CACNA1B: variants seen among roughly 807,000 people sequenced by gnomAD.
CACNA1B encodes the protein calcium voltage-gated channel subunit alpha1 B, also known as voltage-dependent N-type calcium channel subunit alpha-1B.
CACNA1B carries 70 observed loss-of-function variants against 247.2 expected under a neutral mutation model. The ratio of observed to expected loss-of-function variants is 0.28; its 90% CI spans 0.23 to 0.35. CACNA1B has a LOEUF of 0.35. Ranked by LOEUF, CACNA1B falls within the 10% of genes least tolerant of loss-of-function variation. The pLI is 1.00. For missense variants in CACNA1B, 2,367 were observed against 3,197.4 expected (o/e 0.74, Z 6.26); for synonymous variants, 1,231 against 1,294.4 (o/e 0.95, Z 1.05).
At chr9:138,003,778 CTTTTTTT>C (rs11305081) in intron 15 of CACNA1B, among the ~76,000 whole-genome samples, 13 of 86,896 alleles carry the variant, frequency 1.5e-4, no homozygotes, top group Non-Finnish European at 2.8e-4. Flanking sequence ...ACGGGCTTGC[CTTTTTTT>C]TTTTTTTTTT....
intron 6 of CACNA1B, among the ~76,000 whole-genome samples, chr9:137,948,231 T>A (rs1454591538): frequency 2.0e-5 from 3 of 152,220 alleles, no homozygotes; most frequent in East Asian, 3.8e-4. Flanking sequence ...TCTGCCTGCC[T>A]CGGCCTCCCG....
intron 20 of CACNA1B, among the ~76,000 whole-genome samples, chr9:138,027,206 C>T (rs1262960873): frequency 6.6e-6 from 1 of 152,076 alleles, no homozygotes. Context: ...CATTTTCTCC[C>T]ATTTTGTGGC....
chr9:137,894,455 T>C (rs994665490), intron 3 of CACNA1B, among the ~76,000 whole-genome samples: 1 of 151,980 alleles, frequency 6.6e-6, no homozygotes, highest in African/African-American at 2.4e-5. Context: ...CGCTCTGTCA[T>C]CCAGGCTGGA....
chr9:137,909,136 A>C (rs893441982), intron 3 of CACNA1B, among the ~76,000 whole-genome samples: 7 of 151,490 alleles, frequency 4.6e-5, no homozygotes, highest in African/African-American at 1.7e-4. Flanking sequence ...GATTACACGC[A>C]TGCACCACCA....
chr9:138,102,834 C>A lies in CACNA1B; in HGVS notation c.5319+27C>A. 1 of 1,459,418 alleles carries A rather than the reference C, an allele frequency of 6.9e-7. No individual in the cohort carries two copies. Among genetic ancestry groups the A allele is most frequent in the East Asian group, 2.3e-5 (1 of 43,520 alleles). The allele number at this position is 1,459,418 out of a possible 1,614,324, so 90.4% of individuals were successfully genotyped here. A position where few individuals can be genotyped will look rare whatever the true frequency, so the allele number is the denominator to read the frequency against. On this transcript the variant is annotated intron_variant, in intron 38 of 46. Transcript: ENST00000371372. The surrounding 1 kb of genome is among the most constrained non-coding windows in gnomAD (Gnocchi z 5.4). Reference sequence around the variant, plus strand: ...TAGACCCTGACCCTGCAACCCGCCCCCCAGGAGGCTGTGTGTGCTTGCTGA... The same window carrying A: ...TAGACCCTGACCCTGCAACCCGCCCACCAGGAGGCTGTGTGTGCTTGCTGA...
At chr9:138,070,463 A>G (rs538525608) in intron 32 of CACNA1B, among the ~76,000 whole-genome samples, 2 of 152,352 alleles carry the variant, frequency 1.3e-5, no homozygotes, top group South Asian at 2.1e-4. Flanking sequence ...GCTCATTTGG[A>G]GTGCAGGTCC....
intron 3 of CACNA1B, among the ~76,000 whole-genome samples, chr9:137,911,874 TGA>T: frequency 6.6e-6 from 1 of 152,246 alleles, no homozygotes; most frequent in East Asian, 1.9e-4. Flanking sequence ...ACGTGGCATA[TGA>T]GAGAAGGACC....
chr9:138,032,890 G>A, intron 20 of CACNA1B: 2 of 290,716 alleles, frequency 6.9e-6, no homozygotes, highest in Non-Finnish European at 1.3e-5. Context: ...TTTGGGGTTT[G>A]CTCAATTTCT....
At position 138,051,083 on chromosome 9, in the gene CACNA1B, A is replaced by T. The variant is rs187373139; in HGVS notation, c.3711-1009A>T. Reference sequence around the variant, plus strand: ...AGGGTTCCATGTGTGAGTGAATCCCACTCAGTCCTGAGTCCTCAGCTCCCA... The same window carrying T: ...AGGGTTCCATGTGTGAGTGAATCCCTCTCAGTCCTGAGTCCTCAGCTCCCA... On this transcript the variant is annotated intron_variant, in intron 24 of 46. Coordinates refer to ENST00000371372, the MANE Select transcript of CACNA1B (RefSeq NM_000718.4). The surrounding 1 kb of genome is among the most constrained non-coding windows in gnomAD (Gnocchi z 4.3). 7.1e-4 allele frequency among the ~76,000 whole-genome samples: 108 copies of T among 152,068 alleles called. No individual in the cohort carries two copies. The highest frequency in any genetic ancestry group is 3.4e-3 in the Middle Eastern group (1 of 294).
At chr9:137,896,238 C>CA (rs34505431) in intron 3 of CACNA1B, among the ~76,000 whole-genome samples, 8,378 of 68,962 alleles carry the variant, frequency 0.12, 467 homozygotes, top group Non-Finnish European at 0.16. Context: ...GACTCTGTCT[C>CA]AAAAAAAAAA....
rs569191096 is a variant in CACNA1B, at chr9:137,914,923, G to A, written c.775+117G>A. 81 of 1,099,702 alleles carry A rather than the reference G, an allele frequency of 7.4e-5. No homozygotes were observed. The East Asian group carries it at 2.0e-3, about 27-fold the overall frequency. The allele number at this position is 1,099,702 out of a possible 1,614,324, so 68.1% of individuals were successfully genotyped here. ...CTTGGTGCCAGATACATGAGGTGGA[G>A]CTGACATTCTAGTGGGGGACATAGA... On this transcript the variant is annotated intron_variant, in intron 5 of 46. Coordinates refer to ENST00000371372, the MANE Select transcript of CACNA1B (RefSeq NM_000718.4). The surrounding 1 kb of genome is among the most constrained non-coding windows in gnomAD (Gnocchi z 4.3).
rs1384558027 is a variant in CACNA1B, at chr9:138,050,116, C to T, written c.3710+801C>T. On this transcript the variant is annotated intron_variant, in intron 24 of 46. Transcript: ENST00000371372. The surrounding 1 kb of genome is among the most constrained non-coding windows in gnomAD (Gnocchi z 5.2). ...TGCCTTCTCTCCCCCACACGCTGCC[C>T]CTGACATCACAGCATTCCAGCAGCC... 3 of 1,284,868 alleles carry T rather than the reference C, an allele frequency of 2.3e-6. No homozygotes were observed. The highest frequency in any genetic ancestry group is 4.6e-5 in the Admixed American group (2 of 43,566). 79.6% of individuals were successfully genotyped at this position (1,284,868 alleles called of 1,614,324 possible).
chr9:137,980,832 A>G (rs1418797347), intron 12 of CACNA1B, among the ~76,000 whole-genome samples: 2 of 152,140 alleles, frequency 1.3e-5, no homozygotes, highest in Admixed American at 6.5e-5. Flanking sequence ...TGCAAAATAC[A>G]TGTTATTTTT....
At position 138,105,786 on chromosome 9, in the gene CACNA1B, C is replaced by T. The variant is rs528769018; in HGVS notation, c.5407C>T (p.Leu1803=). Residue 1803 remains leucine (L), a synonymous_variant, in exon 39 of 47, where the codon CTG becomes TTG. Coordinates refer to ENST00000371372, the MANE Select transcript of CACNA1B (RefSeq NM_000718.4). ...STLMALIRTA[L]EIKLAPAGTK... is the part of the protein sequence containing the mutation. ...GCTGATGGCCCTCATCCGGACGGCA[C>T]TGGAGATCAAGCTGGCCCCAGGTGA... 9 of 1,557,738 alleles carry T rather than the reference C, an allele frequency of 5.8e-6. No individual in the cohort carries two copies. The highest frequency in any genetic ancestry group is 4.8e-5 in the East Asian group (2 of 41,484).
intron 10 of CACNA1B, among the ~76,000 whole-genome samples, chr9:137,961,051 G>A (rs1236058005): frequency 6.6e-6 from 1 of 151,736 alleles, no homozygotes. Context: ...TTTTTAATGG[G>A]GTTGTTTGTT....
At chr9:138,005,594 A>T (rs1248083481) in intron 15 of CACNA1B, among the ~76,000 whole-genome samples, 1 of 152,238 alleles carries the variant, frequency 6.6e-6, no homozygotes, top group Non-Finnish European at 1.5e-5. Context: ...ATTTCAAAAT[A>T]ATCAGAAGAA....
At chr9:137,996,388 A>T (rs1958501095) in intron 15 of CACNA1B, among the ~76,000 whole-genome samples, 1 of 152,232 alleles carries the variant, frequency 6.6e-6, no homozygotes, top group South Asian at 2.1e-4. Flanking sequence ...GGAGGCTACT[A>T]TTGTAAGTGA....
At chr9:137,878,242 G>T in intron 1 of CACNA1B, 25 bp downstream of exon 1, 2 of 1,229,998 alleles carry the variant, frequency 1.6e-6, no homozygotes, top group East Asian at 6.3e-5. Context: ...GGGGCCGGGC[G>T]GGGCCGGGCG....
intron 10 of CACNA1B, among the ~76,000 whole-genome samples, chr9:137,965,820 T>C (rs905393720): frequency 7.9e-5 from 12 of 152,204 alleles, no homozygotes; most frequent in African/African-American, 2.9e-4. Context: ...TCTGACCTCA[T>C]GATCCGCCCG....
Sources: gnomAD v4.1 joint callset for allele counts (sites outside exome capture counted in the v4.1 genomes callset) on GRCh38, gnomAD v4.1.1 for gene constraint, Gnocchi (gnomAD v3.1) non-coding constraint, MANE v1.5 for transcripts, NCBI Gene and HGNC (gene_info 2026-07-23, HGNC 2026-07-21) for gene names.